The following DAB1 variants were observed in gnomAD, a reference collection of about 807,000 sequenced individuals.
DAB1 encodes the protein DAB adaptor protein 1, also known as disabled homolog 1.
Under a neutral mutation model 64.6 loss-of-function variants are expected in DAB1, and 15 were observed. That is an observed-to-expected ratio of 0.23 (90% CI 0.16 to 0.36). DAB1 has a LOEUF of 0.36. Ranked by LOEUF, DAB1 falls within the 10% of genes least tolerant of loss-of-function variation. The pLI is 1.00. For missense variants in DAB1, 596 were observed against 706.7 expected (o/e 0.84, Z 1.78); for synonymous variants, 235 against 251.9 (o/e 0.93, Z 0.64).
intron 2 of DAB1, among the ~76,000 whole-genome samples, chr1:57,184,821 A>G (rs528793869): frequency 2.6e-5 from 4 of 152,218 alleles, no homozygotes; most frequent in Admixed American, 2.0e-4. Context: ...TTCATGATGC[A>G]TTTCAAACAC....
chr1:57,018,181 G>C (rs138102021), intron 11 of DAB1, among the ~76,000 whole-genome samples: 1 of 152,200 alleles, frequency 6.6e-6, no homozygotes, highest in Non-Finnish European at 1.5e-5. Context: ...GTGCACAGGA[G>C]AGAAGACTGT....
chr1:57,052,139 C>T (rs927319990), intron 9 of DAB1, among the ~76,000 whole-genome samples: 2 of 14,092 alleles, frequency 1.4e-4, no homozygotes, highest in East Asian at 8.2e-4. Context: ...TTACTGGGGG[C>T]GGGGGGGCGG....
intron 1 of DAB1, among the ~76,000 whole-genome samples, chr1:57,368,017 T>C (rs2113453): frequency 0.53 from 81,360 of 152,134 alleles, 22,686 homozygotes; most frequent in African/African-American, 0.63. Flanking sequence ...CCTGCTCCCA[T>C]GGCCTGGCTT....
At chr1:57,748,387 A>C (rs1271761794) in intron 6 of DAB1, among the ~76,000 whole-genome samples, 1 of 152,182 alleles carries the variant, frequency 6.6e-6, no homozygotes, top group African/African-American at 2.4e-5. Flanking sequence ...CTGTGCCTCA[A>C]GTTTTCTCAT....
intron 14 of DAB1, among the ~76,000 whole-genome samples, chr1:57,007,604 G>A (rs187187124): frequency 1.3e-5 from 2 of 152,200 alleles, no homozygotes; most frequent in African/African-American, 4.8e-5. Context: ...CACCTGTGGG[G>A]ATTGAGTCCG....
At chr1:58,175,305 C>G (rs974919940) in intron 4 of DAB1, among the ~76,000 whole-genome samples, 1 of 152,232 alleles carries the variant, frequency 6.6e-6, no homozygotes, top group South Asian at 2.1e-4. Context: ...CTGTAGTCAG[C>G]GAGACCACGA....
At chr1:58,407,203 C>T (rs888801301) in intron 3 of DAB1, among the ~76,000 whole-genome samples, 9 of 152,122 alleles carry the variant, frequency 5.9e-5, no homozygotes, top group Admixed American at 1.3e-4. Context: ...GGAAGACTTC[C>T]GTCTTTGTCA....
intron 6 of DAB1, among the ~76,000 whole-genome samples, chr1:57,667,884 A>T (rs572969251): frequency 6.6e-6 from 1 of 152,092 alleles, no homozygotes; most frequent in African/African-American, 2.4e-5. Context: ...CAGGGGTTGG[A>T]GAGCAAGGGG....
chr1:57,576,473 C>T (rs141562855), intron 7 of DAB1, among the ~76,000 whole-genome samples: 17 of 152,218 alleles, frequency 1.1e-4, no homozygotes, highest in African/African-American at 4.1e-4. Flanking sequence ...AGAAGACGAC[C>T]ATGTGAAGGA....
At chr1:57,320,943 T>A (rs1675666960) in intron 1 of DAB1, among the ~76,000 whole-genome samples, 1 of 152,204 alleles carries the variant, frequency 6.6e-6, no homozygotes. Flanking sequence ...GTCCTTCTTT[T>A]AACTTCTACT....
chr1:57,225,669 T>C (rs1667209616), intron 2 of DAB1, among the ~76,000 whole-genome samples: 1 of 152,220 alleles, frequency 6.6e-6, no homozygotes, highest in African/African-American at 2.4e-5. Context: ...AATGTATTAC[T>C]GTACAGACAG....
intron 4 of DAB1, among the ~76,000 whole-genome samples, chr1:58,280,608 G>A (rs964763926): frequency 1.3e-5 from 2 of 152,152 alleles, no homozygotes; most frequent in African/African-American, 4.8e-5. Context: ...AATAAAAAAT[G>A]AGAGATTCAG....
At position 58,035,632 on chromosome 1, in the gene DAB1, C is replaced by T. The variant is rs1021268291; in HGVS notation, n.387+114879G>A. Among the ~76,000 whole-genome samples the T allele has an allele frequency of 1.3e-5, 2 of 152,166 alleles. 1 individual carries two copies. Among genetic ancestry groups the T allele is most frequent in the Non-Finnish European group, 2.9e-5 (2 of 68,040 alleles). On this transcript the variant is annotated intron_variant and non_coding_transcript_variant, in intron 5 of 20. Coordinates refer to the DAB1 transcript ENST00000485760. Reference sequence around the variant, plus strand: ...ATTAATCTAAAACATGTGTACTTCACAAGAAACACTGAGATAGCAAGATAG... The same window carrying T: ...ATTAATCTAAAACATGTGTACTTCATAAGAAACACTGAGATAGCAAGATAG...
chr1:57,013,148 C>T (rs929671550), intron 12 of DAB1, among the ~76,000 whole-genome samples: 2 of 152,258 alleles, frequency 1.3e-5, no homozygotes, highest in African/African-American at 2.4e-5. Context: ...TCTGGCCCAA[C>T]ATGTCCATAG....
rs534004473 is a variant in DAB1, at chr1:57,436,109, G to T, written n.626-144943C>A. ...TTTTTGTAGTTTTAGTAGAGACGGG[G>T]TTGCACCGTATTAGTCAGGCTGGTC... On this transcript the variant is annotated intron_variant and non_coding_transcript_variant, in intron 7 of 20. Transcript: ENST00000485760. Among the ~76,000 whole-genome samples the T allele has an allele frequency of 7.2e-5, 11 of 152,006 alleles. No individual in the cohort carries two copies. The South Asian group carries it at 2.3e-3, about 32-fold the overall frequency.
At chr1:57,131,319 G>A (rs1657635690) in intron 4 of DAB1, among the ~76,000 whole-genome samples, 1 of 152,134 alleles carries the variant, frequency 6.6e-6, no homozygotes. Context: ...ATAAAAGGGG[G>A]ATAATAAAAA....
At chr1:58,038,488 A>C (rs10493235) in intron 5 of DAB1, among the ~76,000 whole-genome samples, 68,397 of 151,822 alleles carry the variant, frequency 0.45, 15,681 homozygotes, top group African/African-American at 0.5. Flanking sequence ...AGAAAAGGAA[A>C]CATTTGTGAA....
intron 1 of DAB1, among the ~76,000 whole-genome samples, chr1:57,881,856 A>G (rs1187597078): frequency 6.6e-6 from 1 of 152,192 alleles, no homozygotes; most frequent in Admixed American, 6.5e-5. Context: ...TACAGTGAAC[A>G]TTTAATTTGT....
intron 5 of DAB1, among the ~76,000 whole-genome samples, chr1:58,060,811 T>G (rs1401164068): frequency 6.6e-6 from 1 of 152,226 alleles, no homozygotes; most frequent in South Asian, 2.1e-4. Flanking sequence ...GTGTCTTCCA[T>G]GATTACCTTT....
Sources: gnomAD v4.1 joint callset for allele counts (sites outside exome capture counted in the v4.1 genomes callset) on GRCh38, gnomAD v4.1.1 for gene constraint, MANE v1.5 for transcripts, NCBI Gene and HGNC (gene_info 2026-07-23, HGNC 2026-07-21) for gene names.